The following SENP1 variants were observed in gnomAD, a reference collection of about 807,000 sequenced individuals.
The protein encoded by SENP1 is sentrin-specific protease 1.
In SENP1, 21 loss-of-function variants were observed where a neutral mutation model predicts 93.0. That is an observed-to-expected ratio of 0.23 (90% CI 0.16 to 0.33). SENP1 has a LOEUF of 0.33. Ranked by LOEUF, SENP1 falls within the 10% of genes least tolerant of loss-of-function variation. SENP1 has a pLI of 1.00. For synonymous variants in SENP1, 256 were observed against 259.6 expected (o/e 0.99, Z 0.13); for missense variants, 591 against 758.7 (o/e 0.78, Z 2.60).
At chr12:48,093,451 T>G (rs1945345730) in intron 4 of SENP1, among the ~76,000 whole-genome samples, 1 of 152,040 alleles carries the variant, frequency 6.6e-6, no homozygotes, top group South Asian at 2.1e-4. Flanking sequence ...ACCCTGCTAA[T>G]TTTTGTGTTT....
intron 4 of SENP1, among the ~76,000 whole-genome samples, chr12:48,095,335 G>T (rs932361847): frequency 6.6e-6 from 1 of 151,720 alleles, no homozygotes; most frequent in South Asian, 2.1e-4. Context: ...TTAAGAGTTC[G>T]GACCAGCCTG....
Position 48,044,347 on chromosome 12 carries a change from T to C in SENP1, c.*975A>G, listed in dbSNP as rs1370686614. ...AAAAAAAAGCATATCCCTGTGAAAT[T>C]TTATACATACATATATATATATATA... On this transcript the variant is annotated 3_prime_UTR_variant, in exon 18 of 18. Transcript: ENST00000549518. 1 of 120,530 alleles carries C rather than the reference T, an allele frequency of 8.3e-6. No homozygotes were observed. The highest frequency in any genetic ancestry group is 3.3e-5 in the African/African-American group (1 of 30,722). The allele number at this position is 120,530 out of a possible 1,614,324, so 7.5% of individuals were successfully genotyped here.
rs1490018465 is a variant in SENP1 at position 48,046,347 on chromosome 12, T to A, written c.1872+9A>T. 2.5e-6 allele frequency: 4 copies of A among 1,598,748 alleles called. No homozygotes were observed. The highest frequency in any genetic ancestry group is 1.7e-4 in the Middle Eastern group (1 of 6,032). On this transcript the variant is annotated intron_variant, in intron 17 of 17. Coordinates refer to ENST00000549518, the MANE Select transcript of SENP1 (RefSeq NM_001267594.2). ...AATCCTAGAGCTCCCTATGGAAGGC[T>A]CAGCTCACCTGTGTGAAGTTGATTG...
intron 15 of SENP1, among the ~76,000 whole-genome samples, chr12:48,047,720 TCTG>T (rs1446575954): frequency 6.6e-6 from 1 of 152,194 alleles, no homozygotes; most frequent in African/African-American, 2.4e-5. Flanking sequence ...GGTCTCTTCA[TCTG>T]AAAAATTAGG....
chr12:48,095,029 T>C (rs980718931), intron 4 of SENP1, among the ~76,000 whole-genome samples: 3 of 152,198 alleles, frequency 2.0e-5, no homozygotes, highest in Admixed American at 2.0e-4. Flanking sequence ...GATTTTTCTA[T>C]ACAAATTATG....
chr12:48,077,776 C>T (rs1592394278), intron 6 of SENP1, among the ~76,000 whole-genome samples: 1 of 151,852 alleles, frequency 6.6e-6, no homozygotes, highest in South Asian at 2.1e-4. Flanking sequence ...TTTCTAAGTT[C>T]TCTATTCCGT....
intron 13 of SENP1, among the ~76,000 whole-genome samples, chr12:48,049,352 A>C (rs1189502179): frequency 6.6e-6 from 1 of 152,142 alleles, no homozygotes; most frequent in Admixed American, 6.6e-5. Flanking sequence ...CATATATATT[A>C]TGGGGTTGGG....
Position 48,082,263 on chromosome 12 carries a change from C to T in SENP1, c.552+1328G>A, listed in dbSNP as rs1944543685. Among the ~76,000 whole-genome samples the T allele has an allele frequency of 1.3e-5, 2 of 152,150 alleles. 1 individual carries two copies. Among genetic ancestry groups the T allele is most frequent in the Admixed American group, 1.3e-4 (2 of 15,270 alleles). Reference sequence around the variant, plus strand: ...ATCACAAATAATCAAGTTTTGCCACCTAAGAGATCACTGATTACCAAATTA... The same window carrying T: ...ATCACAAATAATCAAGTTTTGCCACTTAAGAGATCACTGATTACCAAATTA... On this transcript the variant is annotated intron_variant, in intron 6 of 17. Transcript: ENST00000549518.
intron 13 of SENP1, among the ~76,000 whole-genome samples, chr12:48,061,657 C>T (rs1942968122): frequency 6.6e-6 from 1 of 152,144 alleles, no homozygotes; most frequent in Admixed American, 6.5e-5. Context: ...ATCCTCTCAC[C>T]TTAGCCATCC....
intron 4 of SENP1, among the ~76,000 whole-genome samples, chr12:48,091,587 A>T (rs371756834): frequency 8.5e-5 from 13 of 152,186 alleles, no homozygotes; most frequent in African/African-American, 2.9e-4. Flanking sequence ...CTGGTAACCT[A>T]ATGTAACATA....
In SENP1 at chr12:48,105,708, C is replaced by T. The variant is rs1478194206; in HGVS notation, c.-45+320G>A. On this transcript the variant is annotated intron_variant, in intron 1 of 17. Coordinates refer to ENST00000549518, the MANE Select transcript of SENP1 (RefSeq NM_001267594.2). ...GGAAAGCCCCGGAATCGCAACCGGC[C>T]TTTCCCCAAGTACGGCTGGGCGCTG... is the stretch of plus-strand genomic sequence containing the variant. The T allele has an allele frequency of 1.6e-5, 8 of 489,048 alleles. No individual in the cohort carries two copies. In the South Asian group the frequency reaches 1.7e-4, roughly 10 times the overall value. 30.3% of individuals were successfully genotyped at this position (489,048 alleles called of 1,614,324 possible). A position where few individuals can be genotyped will look rare whatever the true frequency, so the allele number is the denominator to read the frequency against.
intron 8 of SENP1, among the ~76,000 whole-genome samples, chr12:48,073,653 T>G (rs1299225076): frequency 6.6e-6 from 1 of 152,200 alleles, no homozygotes; most frequent in African/African-American, 2.4e-5. Context: ...ATATTTCAGT[T>G]AGTTGAAAGT....
intron 1 of SENP1, 78 bp downstream of exon 1, chr12:48,105,950 C>T (rs935404441): frequency 3.3e-5 from 23 of 692,580 alleles, no homozygotes; most frequent in Non-Finnish European, 6.1e-5. Context: ...CCCGGGCCGG[C>T]TGACCGGGTC....
intron 1 of SENP1, 157 bp downstream of exon 1, chr12:48,105,871 T>C (rs1315990670): frequency 5.0e-6 from 3 of 597,476 alleles, no homozygotes; most frequent in Non-Finnish European, 8.9e-6. Context: ...GGAGGGGAGG[T>C]GGTCCCAGGG....
At chr12:48,081,887 C>G (rs1565786894) in intron 6 of SENP1, among the ~76,000 whole-genome samples, 1 of 148,912 alleles carries the variant, frequency 6.7e-6, no homozygotes, top group African/African-American at 2.5e-5. Flanking sequence ...TCAATACAAA[C>G]TTTTTTTGTT....
At chr12:48,053,139 A>C (rs1159232569) in intron 13 of SENP1, among the ~76,000 whole-genome samples, 1 of 152,086 alleles carries the variant, frequency 6.6e-6, no homozygotes, top group Non-Finnish European at 1.5e-5. Context: ...GACCACTACC[A>C]ATTCCCCCCG....
At position 48,073,710 on chromosome 12, in the gene SENP1, G is replaced by A. The variant is rs76403707; in HGVS notation, c.940+614C>T. On this transcript the variant is annotated intron_variant, in intron 8 of 17. Coordinates refer to ENST00000549518, the MANE Select transcript of SENP1 (RefSeq NM_001267594.2). ...CCAATGCTGACAATCATTCTAAAAC[G>A]CACAAACCTAAGTACTTAAGCTTCA... Among the ~76,000 whole-genome samples the A allele has an allele frequency of 5.6e-3, 853 of 152,164 alleles. 8 individuals are homozygous for A. The highest frequency in any genetic ancestry group is 0.016 in the African/African-American group (657 of 41,512).
intron 10 of SENP1, among the ~76,000 whole-genome samples, chr12:48,066,171 C>T (rs1010695541): frequency 8.6e-5 from 13 of 151,946 alleles, no homozygotes; most frequent in Non-Finnish European, 1.2e-4. Context: ...AAAGGAGAAA[C>T]GAATACAAGA....
rs1019512036 is a variant in SENP1, at chr12:48,044,742, T to C, written c.*580A>G. The C allele has an allele frequency of 5.2e-5, 8 of 154,064 alleles. No individual in the cohort carries two copies. The highest frequency in any genetic ancestry group is 1.9e-4 in the African/African-American group (8 of 41,418). 9.5% of individuals were successfully genotyped at this position (154,064 alleles called of 1,614,324 possible). On this transcript the variant is annotated 3_prime_UTR_variant, in exon 18 of 18. Transcript: ENST00000549518. The stretch of plus-strand genomic sequence containing the variant: ...CGTATAAAAGCAGATGGATTTTGTA[T>C]AGGGACATATAAATAGGAAAGGTCC...
Sources: gnomAD v4.1 joint callset for allele counts (sites outside exome capture counted in the v4.1 genomes callset) on GRCh38, gnomAD v4.1.1 for gene constraint, MANE v1.5 for transcripts, NCBI Gene and HGNC (gene_info 2026-07-23, HGNC 2026-07-21) for gene names.